Variants in FBN1 observed in about 807,000 individuals in gnomAD.
The protein encoded by FBN1 is fibrillin-1.
FBN1 carries 29 observed loss-of-function variants against 365.1 expected under a neutral mutation model. That is an observed-to-expected ratio of 0.08 (90% CI 0.06 to 0.11). The LOEUF is 0.11. Ranked by LOEUF, FBN1 falls within the 10% of genes least tolerant of loss-of-function variation. FBN1 has a pLI of 1.00. For missense variants in FBN1, 2,476 were observed against 3,703.2 expected, an observed-to-expected ratio of 0.67 and a Z score of 8.60; for synonymous variants, 1,210 against 1,270.5, an observed-to-expected ratio of 0.95 and a Z score of 1.01.
chr15:48,464,533 A>C (rs890424500), intron 40 of FBN1, among the ~76,000 whole-genome samples: 3 of 152,076 alleles, frequency 2.0e-5, no homozygotes, highest in Non-Finnish European at 2.9e-5. Context: ...ACAAACAAAA[A>C]ACAAAAACAA....
chr15:48,435,810 G>GTGTA (rs1555395093), intron 53 of FBN1, among the ~76,000 whole-genome samples: 7,309 of 129,900 alleles, frequency 0.056, 440 homozygotes, highest in East Asian at 0.17. Context: ...GTGTGTGTGT[G>GTGTA]TATATATGCC....
chr15:48,623,220 A>G (rs995924720), intron 2 of FBN1, among the ~76,000 whole-genome samples: 4 of 152,264 alleles, frequency 2.6e-5, no homozygotes, highest in African/African-American at 9.6e-5. Flanking sequence ...CCTCAGTGCC[A>G]AAAGTAAGCC....
intron 58 of FBN1, among the ~76,000 whole-genome samples, chr15:48,426,254 G>T (rs541238451): frequency 1.2e-4 from 18 of 152,226 alleles, no homozygotes; most frequent in South Asian, 6.2e-4. Flanking sequence ...AGATCCTTTT[G>T]ATGAGGAAAC....
At chr15:48,451,708 CAAT>C (rs149977794) in intron 45 of FBN1, among the ~76,000 whole-genome samples, 1,543 of 152,244 alleles carry the variant, frequency 0.01, 28 homozygotes, top group African/African-American at 0.035. Context: ...GACTAATATA[CAAT>C]GATTTGCTTT....
intron 6 of FBN1, among the ~76,000 whole-genome samples, chr15:48,575,924 C>T (rs1477165253): frequency 6.6e-6 from 1 of 151,664 alleles, no homozygotes; most frequent in Non-Finnish European, 1.5e-5. Flanking sequence ...AAGCATTATC[C>T]TAAGTAAAAG....
At chr15:48,479,786 C>G (rs2043452831) in intron 32 of FBN1, among the ~76,000 whole-genome samples, 1 of 152,128 alleles carries the variant, frequency 6.6e-6, no homozygotes, top group Non-Finnish European at 1.5e-5. Context: ...ACAAGCCTTT[C>G]AATATAAAGA....
intron 2 of FBN1, among the ~76,000 whole-genome samples, chr15:48,614,492 A>G (rs1889612216): frequency 6.6e-6 from 1 of 152,168 alleles, no homozygotes; most frequent in African/African-American, 2.4e-5. Context: ...GGTCTTTGCT[A>G]TGTCCTTTAC....
Position 48,497,297 on chromosome 15 carries a change from A to T in FBN1, c.2262T>A (p.Tyr754Ter). The T allele has an allele frequency of 6.2e-7, 1 of 1,614,086 alleles. No individual in the cohort carries two copies. The highest frequency in any genetic ancestry group is 8.5e-7 in the Non-Finnish European group (1 of 1,179,976). ...GTYKCICNSG[Y>*]EVDSTGKNCV... is the part of the protein sequence containing the mutation. ...AGTTTTTCCCAGTTGAATCCACTTC[A>T]TATCCTGAATTGCATATACATTTAT... is the stretch of plus-strand genomic sequence containing the variant. The change falls in exon 19 of 66, where the codon TAT becomes TAA. Residue 754 changes from tyrosine to a stop codon, truncating the protein, a stop_gained. Coordinates refer to ENST00000316623, the MANE Select transcript of FBN1 (RefSeq NM_000138.5). LOFTEE classifies it high-confidence loss of function.
intron 53 of FBN1, among the ~76,000 whole-genome samples, chr15:48,436,203 A>G (rs1362998981): frequency 6.6e-6 from 1 of 152,208 alleles, no homozygotes; most frequent in African/African-American, 2.4e-5. Flanking sequence ...TTAGAGCTGC[A>G]AAGGTAATTA....
At chr15:48,428,686 A>T (rs2043001903) in intron 56 of FBN1, among the ~76,000 whole-genome samples, 1 of 151,678 alleles carries the variant, frequency 6.6e-6, no homozygotes. Flanking sequence ...ATCTGTTCAC[A>T]TGGCTCAAAA....
At chr15:48,584,174 T>C (rs1489624981) in intron 6 of FBN1, among the ~76,000 whole-genome samples, 1 of 152,178 alleles carries the variant, frequency 6.6e-6, no homozygotes, top group African/African-American at 2.4e-5. Flanking sequence ...GCTAAGTACT[T>C]TGTGGATGAT....
intron 24 of FBN1, among the ~76,000 whole-genome samples, chr15:48,492,153 A>G (rs902183886): frequency 3.9e-5 from 6 of 152,124 alleles, no homozygotes; most frequent in African/African-American, 1.2e-4. Context: ...ATATGTGCAA[A>G]TATTGTTCTT....
At chr15:48,444,377 GCTT>G (rs1316991358) in intron 49 of FBN1, among the ~76,000 whole-genome samples, 161 bp downstream of exon 49, 1 of 152,192 alleles carries the variant, frequency 6.6e-6, no homozygotes, top group African/African-American at 2.4e-5. Context: ...GATAATTAGT[GCTT>G]CTTGTCTTGC....
intron 43 of FBN1, among the ~76,000 whole-genome samples, chr15:48,459,220 A>G (rs2043263642): frequency 1.3e-5 from 2 of 152,254 alleles, no homozygotes; most frequent in African/African-American, 4.8e-5. Context: ...CTACCATTAC[A>G]GACCACTTAT....
intron 4 of FBN1, among the ~76,000 whole-genome samples, chr15:48,608,294 T>A (rs2044629644): frequency 6.6e-6 from 1 of 152,214 alleles, no homozygotes; most frequent in Non-Finnish European, 1.5e-5. Context: ...ATAAAAAGTA[T>A]AAAATTTTTC....
intron 7 of FBN1, among the ~76,000 whole-genome samples, chr15:48,535,029 A>G: frequency 6.6e-6 from 1 of 152,114 alleles, no homozygotes; most frequent in East Asian, 1.9e-4. Flanking sequence ...TGGATTCCTC[A>G]AATATGCCAA....
intron 2 of FBN1, among the ~76,000 whole-genome samples, chr15:48,627,395 C>T (rs1353140112): frequency 6.6e-6 from 1 of 152,234 alleles, no homozygotes; most frequent in Admixed American, 6.5e-5. Context: ...CAGCTCTTAA[C>T]ATGCTCAACG....
rs1010163843 is a variant in FBN1 at position 48,485,437 on chromosome 15, C to T, written c.3649G>A (p.Gly1217Ser). The change falls in exon 30 of 66, where the codon GGC becomes AGC. Residue 1217 changes from glycine (G) to serine (S), a missense_variant. Physicochemically the swap from Gly to Ser is moderately conservative, Grantham distance 56 (BLOSUM62 0). Transcript: ENST00000316623. ...GCETFCTNSE[G>S]SYECSCQPGF... Reference sequence around the variant, plus strand: ...GGCTGACAGCTACATTCATAGCTGCCTTCAGAGTTTGTGCAGAAGGTTTCA... The same window carrying T: ...GGCTGACAGCTACATTCATAGCTGCTTTCAGAGTTTGTGCAGAAGGTTTCA... 1.2e-6 allele frequency: 2 copies of T among 1,614,184 alleles called. No homozygotes were observed. The highest frequency in any genetic ancestry group is 1.7e-6 in the Non-Finnish European group (2 of 1,180,022).
chr15:48,522,470 T>C (rs965161984), intron 9 of FBN1, among the ~76,000 whole-genome samples: 7 of 152,150 alleles, frequency 4.6e-5, no homozygotes, highest in African/African-American at 1.4e-4. Context: ...GCCAAAAAGG[T>C]TGGGGACCAC....
Sources: gnomAD v4.1 joint callset for allele counts (sites outside exome capture counted in the v4.1 genomes callset) on GRCh38, gnomAD v4.1.1 for gene constraint, MANE v1.5 for transcripts, NCBI Gene and HGNC (gene_info 2026-07-23, HGNC 2026-07-21) for gene names.